The following CDIN1 variants were observed in gnomAD, a reference collection of about 807,000 sequenced individuals.
CDIN1 encodes CDAN1 interacting nuclease 1.
A neutral mutation model predicts 45.3 loss-of-function variants in CDIN1; 33 were observed. That is an observed-to-expected ratio of 0.73 (90% CI 0.55 to 0.97). The LOEUF (loss-of-function observed/expected upper bound fraction) is 0.97. Ranked by LOEUF, CDIN1 falls within the 50% of genes least tolerant of loss-of-function variation. The pLI is 0.00. For missense variants in CDIN1, 303 were observed against 339.4 expected (o/e 0.89, Z 0.84); for synonymous variants, 118 against 124.4 (o/e 0.95, Z 0.34).
chr15:36,796,602 A>G (rs1394024949), intron 10 of CDIN1, among the ~76,000 whole-genome samples: 3 of 152,218 alleles, frequency 2.0e-5, no homozygotes, highest in Non-Finnish European at 4.4e-5. Flanking sequence ...CCTACCAGGC[A>G]TCTGTCTGCT....
chr15:36,741,318 A>G (rs2044229956), intron 10 of CDIN1, among the ~76,000 whole-genome samples: 1 of 152,248 alleles, frequency 6.6e-6, no homozygotes, highest in Non-Finnish European at 1.5e-5. Flanking sequence ...TGGTAGAAAC[A>G]AAACAACTTT....
rs768744226 is a variant in CDIN1, at chr15:36,709,952, A to G, written c.707A>G (p.Tyr236Cys). 7 of 1,608,586 alleles carry G rather than the reference A, an allele frequency of 4.4e-6. No individual in the cohort carries two copies. Among genetic ancestry groups the G allele is most frequent in the Non-Finnish European group, 6.0e-6 (7 of 1,175,904 alleles). ...HAYLHDQFWS[Y>C]WNRFGPGLVI... ...TACCTGCATGACCAGTTCTGGAGCT[A>G]CTGGAATAGGTAAGGTCTCATTATT... Residue 236 changes from tyrosine to cysteine, a missense_variant, in exon 10 of 11, where the codon TAC (tyrosine) becomes TGC (cysteine). By Grantham distance (194) the Tyr-to-Cys change is radical. Transcript: ENST00000566621.
At chr15:36,767,175 T>TA (rs59141560) in intron 10 of CDIN1, among the ~76,000 whole-genome samples, 12,888 of 151,592 alleles carry the variant, frequency 0.085, 585 homozygotes, top group South Asian at 0.13. Context: ...TCCCAGCAGT[T>TA]AAAAAAAATG....
At chr15:36,598,457 A>G (rs1362722752) in intron 1 of CDIN1, among the ~76,000 whole-genome samples, 2 of 152,160 alleles carry the variant, frequency 1.3e-5, no homozygotes. Context: ...TCAGGCCAAC[A>G]TGCATTCATG....
intron 3 of CDIN1, 74 bp from the exon 4 acceptor site, chr15:36,654,024 A>G: frequency 8.9e-7 from 1 of 1,118,846 alleles, no homozygotes; most frequent in South Asian, 1.3e-5. Flanking sequence ...ACATGTATAC[A>G]CACAGGGGAT....
At chr15:36,807,172 G>T (rs1226111763) in intron 10 of CDIN1, among the ~76,000 whole-genome samples, 1 of 152,152 alleles carries the variant, frequency 6.6e-6, no homozygotes, top group Admixed American at 6.5e-5. Flanking sequence ...AATTGAACTT[G>T]TCCCTGTGCA....
intron 10 of CDIN1, among the ~76,000 whole-genome samples, chr15:36,749,263 C>T (rs960343412): frequency 3.9e-5 from 6 of 152,156 alleles, no homozygotes; most frequent in Non-Finnish European, 8.8e-5. Context: ...CTGATATAAA[C>T]ATGGCATTTG....
chr15:36,642,996 T>C (rs2040171940), intron 1 of CDIN1, among the ~76,000 whole-genome samples: 1 of 152,176 alleles, frequency 6.6e-6, no homozygotes, highest in Admixed American at 6.5e-5. Flanking sequence ...ATTTGGATGT[T>C]AAGCTCGGTC....
At chr15:36,623,555 G>C (rs1385178930) in intron 1 of CDIN1, among the ~76,000 whole-genome samples, 2 of 152,168 alleles carry the variant, frequency 1.3e-5, no homozygotes, top group African/African-American at 4.8e-5. Context: ...TGTTGCAGTG[G>C]GGGTAACCAG....
intron 10 of CDIN1, among the ~76,000 whole-genome samples, chr15:36,778,753 T>G (rs1278432877): frequency 6.6e-6 from 1 of 152,218 alleles, no homozygotes. Flanking sequence ...TGTCCTCCAG[T>G]TGATTTACTG....
chr15:36,602,160 C>T (rs1215401205), intron 1 of CDIN1, among the ~76,000 whole-genome samples: 1 of 152,178 alleles, frequency 6.6e-6, no homozygotes, highest in Non-Finnish European at 1.5e-5. Flanking sequence ...GTGGAAGGGG[C>T]TGATGGTTTT....
chr15:36,783,346 A>T (rs2054400961), intron 10 of CDIN1, among the ~76,000 whole-genome samples: 1 of 78,250 alleles, frequency 1.3e-5, no homozygotes, highest in South Asian at 6.4e-4. Flanking sequence ...GGATTGGAGT[A>T]GCTTTTTTTT....
chr15:36,796,980 C>T lies in CDIN1; in HGVS notation c.717-11344C>T, dbSNP rs542418383. 1.7e-4 allele frequency among the ~76,000 whole-genome samples: 26 copies of T among 152,198 alleles called. No individual in the cohort carries two copies. In the East Asian group the frequency reaches 2.3e-3, roughly 14 times the overall value. Reference sequence around the variant, plus strand: ...GGCAGAGTATAAATACATTAAAAGCCGCACAACCGACATACAGAAACTGTA... The same window carrying T: ...GGCAGAGTATAAATACATTAAAAGCTGCACAACCGACATACAGAAACTGTA... On this transcript the variant is annotated intron_variant, in intron 10 of 10. Transcript: ENST00000566621.
At chr15:36,627,264 A>T (rs1282630531) in intron 1 of CDIN1, 1 of 163,834 alleles carries the variant, frequency 6.1e-6, no homozygotes, top group East Asian at 1.7e-4. Context: ...CAAGGAGTGC[A>T]TGGAGACATG....
intron 1 of CDIN1, among the ~76,000 whole-genome samples, chr15:36,635,042 C>T (rs1417909288): frequency 1.3e-5 from 2 of 152,086 alleles, no homozygotes; most frequent in African/African-American, 4.8e-5. Context: ...GGCTAGAGGA[C>T]AAAGTTTAGA....
intron 10 of CDIN1, among the ~76,000 whole-genome samples, chr15:36,743,762 G>C (rs760116020): frequency 2.0e-5 from 3 of 151,762 alleles, no homozygotes; most frequent in African/African-American, 7.3e-5. Flanking sequence ...GGTGATATGC[G>C]CATGTGGTCC....
At chr15:36,650,954 T>C (rs2040552037) in intron 3 of CDIN1, among the ~76,000 whole-genome samples, 1 of 152,006 alleles carries the variant, frequency 6.6e-6, no homozygotes, top group Admixed American at 6.6e-5. Flanking sequence ...TCTCAGCTAC[T>C]TGGGAGACTG....
intron 5 of CDIN1, among the ~76,000 whole-genome samples, chr15:36,673,394 A>T (rs2041523179): frequency 6.6e-6 from 1 of 152,094 alleles, no homozygotes; most frequent in Non-Finnish European, 1.5e-5. Context: ...TTTGCAGTTC[A>T]ATGAGTTGTG....
chr15:36,685,345 G>C (rs1022288716), intron 5 of CDIN1, among the ~76,000 whole-genome samples: 30 of 151,804 alleles, frequency 2.0e-4, no homozygotes, highest in Non-Finnish European at 1.9e-4. Context: ...GTACCCAGTA[G>C]TCATTCAGGA....
Sources: allele counts gnomAD v4.1 joint callset (sites outside exome capture counted in the v4.1 genomes callset), GRCh38; gene constraint gnomAD v4.1.1; transcripts MANE v1.5; gene names NCBI Gene and HGNC (gene_info 2026-07-23, HGNC 2026-07-21).